TRIO: variants seen among roughly 807,000 people sequenced by gnomAD.
The protein encoded by TRIO is trio Rho guanine nucleotide exchange factor, also known as triple functional domain protein.
In TRIO, 58 loss-of-function variants were observed where a neutral mutation model predicts 351.9. The ratio of observed to expected loss-of-function variants is 0.16; its 90% CI spans 0.13 to 0.21. The LOEUF is 0.21. TRIO is among the 10% of genes least tolerant of loss of function. The pLI is 1.00. For missense variants in TRIO, 3,201 were observed against 4,027.8 expected (o/e 0.79, Z 5.56); for synonymous variants, 1,758 against 1,595.7 (o/e 1.10, Z -2.42).
intron 2 of TRIO, among the ~76,000 whole-genome samples, chr5:14,275,142 C>T (rs1317645314): frequency 4.6e-5 from 7 of 152,130 alleles, no homozygotes; most frequent in Admixed American, 4.6e-4. Context: ...TTTACTTTTT[C>T]AATTATATAT....
rs555325683 is a variant in TRIO at position 14,287,965 on chromosome 5, G to A, written c.540+902G>A. Among the ~76,000 whole-genome samples, 7 of 152,278 alleles carry A rather than the reference G, an allele frequency of 4.6e-5. No individual in the cohort carries two copies. The East Asian group carries it at 9.6e-4, about 21-fold the overall frequency. On this transcript the variant is annotated intron_variant, in intron 4 of 56. Coordinates refer to ENST00000344204, the MANE Select transcript of TRIO (RefSeq NM_007118.4). ...AGGTTATAATGCTATACTTTTCAAAGTGTTTGCACAGGTGTATTACTTGGA... is the reference window on the plus strand; with the variant it reads ...AGGTTATAATGCTATACTTTTCAAAATGTTTGCACAGGTGTATTACTTGGA...
At chr5:14,215,939 T>G (rs1792188771) in intron 1 of TRIO, among the ~76,000 whole-genome samples, 4 of 152,248 alleles carry the variant, frequency 2.6e-5, no homozygotes, top group Admixed American at 2.6e-4. Context: ...GAATCAAATT[T>G]GAATTCCATC....
intron 1 of TRIO, among the ~76,000 whole-genome samples, chr5:14,151,773 A>G (rs938871103): frequency 1.3e-5 from 2 of 152,162 alleles, no homozygotes; most frequent in African/African-American, 4.8e-5. Flanking sequence ...TGCTGCTGCC[A>G]TTGAAGGATG....
chr5:14,203,938 T>TC (rs1022608780), intron 1 of TRIO, among the ~76,000 whole-genome samples: 3 of 152,252 alleles, frequency 2.0e-5, no homozygotes, highest in Non-Finnish European at 4.4e-5. Flanking sequence ...TTCCTTTTTT[T>TC]CTCTTATCGT....
rs775066006 is a variant in TRIO at position 14,487,507 on chromosome 5, C to T, written c.6879C>T (p.Gly2293=). 4.4e-6 allele frequency: 4 copies of T among 916,886 alleles called. No individual in the cohort carries two copies. The highest frequency in any genetic ancestry group is 5.4e-6 in the Non-Finnish European group (4 of 737,632). The allele number at this position is 916,886 out of a possible 1,614,324, so 56.8% of individuals were successfully genotyped here. A position where few individuals can be genotyped will look rare whatever the true frequency, so the allele number is the denominator to read the frequency against. ...AGTACCAGAGGAACCACAGCGGGGG[C>T]GGCGGCGGCGGCGGCAGCGGGGGCA... The part of the protein sequence containing the change: ...PIEYQRNHSG[G]GGGGGSGGSG... The change falls in exon 48 of 57, where the codon GGC becomes GGT. Residue 2293 remains glycine (G), a synonymous_variant. Transcript: ENST00000344204.
At chr5:14,439,786 A>G (rs961627952) in intron 34 of TRIO, among the ~76,000 whole-genome samples, 18 of 152,238 alleles carry the variant, frequency 1.2e-4, no homozygotes, top group African/African-American at 4.3e-4. Flanking sequence ...TGTTTTAAGA[A>G]GAATATGAAG....
intron 8 of TRIO, among the ~76,000 whole-genome samples, chr5:14,312,043 A>G (rs1310107429): frequency 6.6e-6 from 1 of 152,166 alleles, no homozygotes; most frequent in Non-Finnish European, 1.5e-5. Flanking sequence ...TCTAGATGCT[A>G]TTGTCTTTCC....
intron 1 of TRIO, among the ~76,000 whole-genome samples, chr5:14,221,711 T>G (rs1182542885): frequency 6.6e-6 from 1 of 152,228 alleles, no homozygotes; most frequent in Admixed American, 6.5e-5. Flanking sequence ...GTGATTAAAC[T>G]CCTCAGGGAT....
rs75072363 is a variant in TRIO, at chr5:14,322,975, G to A, written c.1731+6232G>A. On this transcript the variant is annotated intron_variant, in intron 9 of 56. Transcript: ENST00000344204. Reference sequence around the variant, plus strand: ...AGCTCCTAATTAACCTTCTGCAGTAGTGAGCACAGAGGAGGTGGGACTGGA... The same window carrying A: ...AGCTCCTAATTAACCTTCTGCAGTAATGAGCACAGAGGAGGTGGGACTGGA... 5.5e-3 allele frequency among the ~76,000 whole-genome samples: 845 copies of A among 152,262 alleles called. 7 individuals carry two copies. Among genetic ancestry groups the A allele is most frequent in the African/African-American group, 0.018 (758 of 41,556 alleles).
intron 34 of TRIO, among the ~76,000 whole-genome samples, chr5:14,453,949 T>G (rs893759714): frequency 6.6e-6 from 1 of 152,104 alleles, no homozygotes; most frequent in Non-Finnish European, 1.5e-5. Context: ...TCTTTTTTTT[T>G]TTGAGACAGG....
chr5:14,235,287 A>G (rs1025738267), intron 1 of TRIO, among the ~76,000 whole-genome samples: 9 of 152,360 alleles, frequency 5.9e-5, no homozygotes, highest in African/African-American at 2.2e-4. Context: ...CTTCATTAAT[A>G]CAAACTAATG....
chr5:14,311,198 A>G (rs2152301646), intron 8 of TRIO, among the ~76,000 whole-genome samples: 1 of 152,342 alleles, frequency 6.6e-6, no homozygotes, highest in East Asian at 1.9e-4. Context: ...TATGGAACAC[A>G]CATGTCAGGC....
At chr5:14,308,264 C>T (rs1010290408) in intron 8 of TRIO, among the ~76,000 whole-genome samples, 2 of 150,982 alleles carry the variant, frequency 1.3e-5, no homozygotes, top group African/African-American at 4.9e-5. Flanking sequence ...CATCTGTCCA[C>T]CTAACCACCC....
chr5:14,145,442 C>T (rs1787450629), intron 1 of TRIO, among the ~76,000 whole-genome samples: 1 of 152,004 alleles, frequency 6.6e-6, no homozygotes, highest in Non-Finnish European at 1.5e-5. Flanking sequence ...TGAGAAGTGC[C>T]TGCAGAAAGC....
intron 2 of TRIO, among the ~76,000 whole-genome samples, chr5:14,275,635 A>G (rs1195180392): frequency 2.0e-5 from 3 of 150,122 alleles, no homozygotes; most frequent in Non-Finnish European, 4.4e-5. Context: ...AATTCTATTG[A>G]TTTTCCCTTC....
intron 20 of TRIO, among the ~76,000 whole-genome samples, chr5:14,379,072 C>A (rs578123193): frequency 2.6e-5 from 4 of 152,118 alleles, no homozygotes; most frequent in Admixed American, 2.6e-4. Context: ...CTTAAGAATC[C>A]GTAAACTTTC....
chr5:14,462,604 AGAGGAAAAGTTACCATC>A (rs1753913174), intron 35 of TRIO, 134 bp from the exon 36 acceptor site: 1 of 1,078,566 alleles, frequency 9.3e-7, no homozygotes, highest in African/African-American at 1.6e-5. Context: ...TAGCAGGAAG[AGAGGAAAAGTTACCATC>A]GAGGTCGAGA....
intron 28 of TRIO, 117 bp from the exon 29 acceptor site, chr5:14,396,926 T>A: frequency 1.3e-6 from 1 of 787,532 alleles, no homozygotes; most frequent in Non-Finnish European, 2.0e-6. Context: ...TATGCCCAGT[T>A]GACCACATTC....
At chr5:14,180,341 A>C (rs1161981196) in intron 1 of TRIO, among the ~76,000 whole-genome samples, 1 of 152,182 alleles carries the variant, frequency 6.6e-6, no homozygotes, top group Non-Finnish European at 1.5e-5. Context: ...GGACAAAAGA[A>C]GATAACTGAC....
Sources: gnomAD v4.1 joint callset for allele counts (sites outside exome capture counted in the v4.1 genomes callset) on GRCh38, gnomAD v4.1.1 for gene constraint, MANE v1.5 for transcripts, NCBI Gene and HGNC (gene_info 2026-07-23, HGNC 2026-07-21) for gene names.